GABRB1: variants seen among roughly 807,000 people sequenced by gnomAD.
GABRB1 encodes the protein gamma-aminobutyric acid type A receptor subunit beta1.
Under a neutral mutation model 51.6 loss-of-function variants are expected in GABRB1, and 17 were observed. That is an observed-to-expected ratio of 0.33 (90% CI 0.23 to 0.49). The LOEUF (loss-of-function observed/expected upper bound fraction) is 0.49. GABRB1 is among the 20% of genes least tolerant of loss of function. The pLI is 0.99. For missense variants in GABRB1, 410 were observed against 600.6 expected (o/e 0.68, Z 3.32); for synonymous variants, 247 against 218.9 (o/e 1.13, Z -1.14).
intron 5 of GABRB1, among the ~76,000 whole-genome samples, chr4:47,325,923 AG>A (rs1372689258): frequency 6.6e-6 from 1 of 152,216 alleles, no homozygotes; most frequent in Non-Finnish European, 1.5e-5. Context: ...TAGCTTTTGG[AG>A]GTGATTAGAT....
intron 4 of GABRB1, among the ~76,000 whole-genome samples, chr4:47,194,100 CTCTCA>C (rs1719550957): frequency 6.6e-6 from 1 of 152,154 alleles, no homozygotes; most frequent in Non-Finnish European, 1.5e-5. Context: ...GACTGTAGCA[CTCTCA>C]TCTCGAGTTC....
chr4:47,200,018 C>T lies in GABRB1; in HGVS notation c.461+38549C>T, dbSNP rs559732592. Among the ~76,000 whole-genome samples the T allele has an allele frequency of 5.3e-5, 8 of 151,896 alleles. No homozygotes were observed. The South Asian group carries it at 6.2e-4, about 12-fold the overall frequency. ...TGATTAACCAGGGTTATACTCTAGC[C>T]GAAGTAATTCAAAAAAGAGAGAGAC... On this transcript the variant is annotated intron_variant, in intron 4 of 8. Transcript: ENST00000295454.
At chr4:47,167,328 T>C (rs886547827) in intron 4 of GABRB1, among the ~76,000 whole-genome samples, 1 of 152,098 alleles carries the variant, frequency 6.6e-6, no homozygotes, top group African/African-American at 2.4e-5. Context: ...TGAAACACTG[T>C]GTTTATCTTT....
At chr4:47,003,115 T>C (rs1223616596) in intron 1 of GABRB1, among the ~76,000 whole-genome samples, 1 of 152,228 alleles carries the variant, frequency 6.6e-6, no homozygotes, top group Admixed American at 6.5e-5. Context: ...ATAAATTCTA[T>C]GTAGCAAATT....
intron 4 of GABRB1, among the ~76,000 whole-genome samples, chr4:47,219,952 A>G (rs1359971684): frequency 6.6e-6 from 1 of 151,912 alleles, no homozygotes; most frequent in Non-Finnish European, 1.5e-5. Flanking sequence ...CCATTTTAGT[A>G]TTGAACTCAT....
intron 4 of GABRB1, among the ~76,000 whole-genome samples, chr4:47,186,079 C>T (rs1023841298): frequency 1.3e-5 from 2 of 151,756 alleles, no homozygotes; most frequent in Non-Finnish European, 1.5e-5. Flanking sequence ...CTTAATTGAA[C>T]GTCTTCTCAA....
chr4:47,352,339 A>G (rs1726381209), intron 5 of GABRB1, among the ~76,000 whole-genome samples: 1 of 152,228 alleles, frequency 6.6e-6, no homozygotes, highest in African/African-American at 2.4e-5. Context: ...CCAGAGGTAC[A>G]AGGAGGAACT....
At chr4:47,239,383 G>T (rs185557769) in intron 4 of GABRB1, among the ~76,000 whole-genome samples, 7 of 152,162 alleles carry the variant, frequency 4.6e-5, no homozygotes, top group Admixed American at 4.6e-4. Flanking sequence ...ACTTCTTTGG[G>T]TTATTTCCAG....
At chr4:47,145,025 C>A (rs1252035961) in intron 3 of GABRB1, among the ~76,000 whole-genome samples, 1 of 151,640 alleles carries the variant, frequency 6.6e-6, no homozygotes, top group Non-Finnish European at 1.5e-5. Flanking sequence ...CTTGACTCCC[C>A]TTGGGACTTG....
At chr4:47,385,719 C>T (rs1727769759) in intron 5 of GABRB1, among the ~76,000 whole-genome samples, 1 of 152,132 alleles carries the variant, frequency 6.6e-6, no homozygotes, top group African/African-American at 2.4e-5. Context: ...GCCTCGGTCC[C>T]AGAAGACTGC....
chr4:47,231,065 C>T (rs748206533), intron 4 of GABRB1, among the ~76,000 whole-genome samples: 3 of 152,138 alleles, frequency 2.0e-5, no homozygotes. Flanking sequence ...GGATAAGAGT[C>T]AAAATGCTGA....
intron 4 of GABRB1, among the ~76,000 whole-genome samples, chr4:47,224,206 C>T (rs1720864459): frequency 6.6e-6 from 1 of 152,044 alleles, no homozygotes; most frequent in African/African-American, 2.4e-5. Flanking sequence ...GCAAAGAACC[C>T]TTCCACATTT....
At chr4:47,231,948 C>T (rs1015963154) in intron 4 of GABRB1, among the ~76,000 whole-genome samples, 2 of 152,112 alleles carry the variant, frequency 1.3e-5, no homozygotes, top group African/African-American at 2.4e-5. Context: ...ATCCAAGTAG[C>T]GTTAAGCCCT....
chr4:47,120,171 ATGTG>A (rs1325774798), intron 3 of GABRB1, among the ~76,000 whole-genome samples: 1 of 152,172 alleles, frequency 6.6e-6, no homozygotes, highest in African/African-American at 2.4e-5. Flanking sequence ...GGATACAACA[ATGTG>A]TGTATGTGTG....
At chr4:47,224,657 G>A (rs1044290818) in intron 4 of GABRB1, among the ~76,000 whole-genome samples, 7 of 152,052 alleles carry the variant, frequency 4.6e-5, no homozygotes, top group African/African-American at 1.7e-4. Context: ...TGTTAAAGTG[G>A]AATCTGCCAG....
At chr4:47,259,955 G>C (rs546701038) in intron 4 of GABRB1, among the ~76,000 whole-genome samples, 1 of 151,946 alleles carries the variant, frequency 6.6e-6, no homozygotes, top group South Asian at 2.1e-4. Flanking sequence ...TATTATATGG[G>C]AGTCTAAGTC....
intron 3 of GABRB1, among the ~76,000 whole-genome samples, chr4:47,113,181 T>C (rs1431287874): frequency 6.6e-6 from 1 of 151,438 alleles, no homozygotes; most frequent in African/African-American, 2.4e-5. Context: ...AAGTCGAGAG[T>C]TCGAGATCAG....
Position 47,157,651 on chromosome 4 carries a change from G to A in GABRB1, c.241-3598G>A, listed in dbSNP as rs1717762756. On this transcript the variant is annotated intron_variant, in intron 3 of 8. Transcript: ENST00000295454. ...ACCACGAGCACAGAGCACGCCACAG[G>A]AGAAGGGAATTATTGTCATACATGT... Among the ~76,000 whole-genome samples, 2 of 152,092 alleles carry A rather than the reference G, an allele frequency of 1.3e-5. 1 individual carries two copies. Among genetic ancestry groups the A allele is most frequent in the South Asian group, 4.1e-4 (2 of 4,834 alleles).
At chr4:47,341,377 TTA>T (rs968415249) in intron 5 of GABRB1, among the ~76,000 whole-genome samples, 3 of 152,204 alleles carry the variant, frequency 2.0e-5, no homozygotes, top group Non-Finnish European at 4.4e-5. Flanking sequence ...TCCACAACGT[TTA>T]TATAACCTTT....
Sources: gnomAD v4.1 joint callset for allele counts (sites outside exome capture counted in the v4.1 genomes callset) on GRCh38, gnomAD v4.1.1 for gene constraint, MANE v1.5 for transcripts, NCBI Gene and HGNC (gene_info 2026-07-23, HGNC 2026-07-21) for gene names.